Variants in PSD3 observed in about 807,000 individuals in gnomAD.
PSD3 encodes pleckstrin and Sec7 domain containing 3, also known as PH and SEC7 domain-containing protein 3.
PSD3 carries 49 observed loss-of-function variants against 105.5 expected under a neutral mutation model. The ratio of observed to expected loss-of-function variants is 0.46; its 90% CI spans 0.37 to 0.59. The LOEUF (loss-of-function observed/expected upper bound fraction) is 0.59. PSD3 is among the 20% of genes least tolerant of loss of function. The pLI is 0.00. For missense variants in PSD3, 1,561 were observed against 1,263.8 expected (o/e 1.24, Z -3.57); for synonymous variants, 557 against 457.8 (o/e 1.22, Z -2.77).
intron 15 of PSD3, among the ~76,000 whole-genome samples, chr8:18,545,037 A>G (rs150972912): frequency 2.0e-5 from 3 of 152,304 alleles, no homozygotes; most frequent in Non-Finnish European, 4.4e-5. Flanking sequence ...GGAGAAGAAG[A>G]AGGAGATATG....
intron 14 of PSD3, among the ~76,000 whole-genome samples, chr8:18,559,690 A>T (rs1038193050): frequency 6.6e-6 from 1 of 152,144 alleles, no homozygotes; most frequent in Non-Finnish European, 1.5e-5. Flanking sequence ...TTCTTCTAAA[A>T]GCTTTAGATT....
intron 8 of PSD3, among the ~76,000 whole-genome samples, chr8:18,786,592 G>C (rs1005006734): frequency 6.6e-6 from 1 of 152,186 alleles, no homozygotes; most frequent in Non-Finnish European, 1.5e-5. Context: ...TAGCAGTTAG[G>C]TGGGCAAGAT....
intron 1 of PSD3, among the ~76,000 whole-genome samples, chr8:19,079,048 G>C (rs1318836948): frequency 6.6e-6 from 1 of 151,964 alleles, no homozygotes; most frequent in East Asian, 1.9e-4. Flanking sequence ...CTTCCTATAG[G>C]TGGATCCAGA....
intron 8 of PSD3, among the ~76,000 whole-genome samples, chr8:18,788,105 T>C (rs1809358685): frequency 6.6e-6 from 1 of 152,220 alleles, no homozygotes; most frequent in Non-Finnish European, 1.5e-5. Flanking sequence ...TCATAACTTG[T>C]CTACCCCTTG....
At chr8:18,798,385 G>A (rs1291105410) in intron 8 of PSD3, among the ~76,000 whole-genome samples, 2 of 151,964 alleles carry the variant, frequency 1.3e-5, no homozygotes, top group Non-Finnish European at 2.9e-5. Flanking sequence ...GCTTTCTGGT[G>A]GTGGAACCCT....
intron 1 of PSD3, among the ~76,000 whole-genome samples, chr8:18,945,983 TAATA>T (rs1251015292): frequency 3.9e-5 from 6 of 151,952 alleles, no homozygotes; most frequent in South Asian, 2.1e-4. Flanking sequence ...CAAAAAAAAT[TAATA>T]AATAAGTTCA....
At chr8:18,613,923 C>T (rs1805463381) in intron 11 of PSD3, among the ~76,000 whole-genome samples, 1 of 152,330 alleles carries the variant, frequency 6.6e-6, no homozygotes, top group African/African-American at 2.4e-5. Flanking sequence ...AAGCCGGCCG[C>T]CTCCACCCAT....
At chr8:18,914,740 T>C (rs1361846583) in intron 2 of PSD3, among the ~76,000 whole-genome samples, 5 of 152,238 alleles carry the variant, frequency 3.3e-5, no homozygotes, top group Non-Finnish European at 4.4e-5. Context: ...AGATATCCCA[T>C]GTTCAAGGAT....
chr8:19,008,472 C>A (rs1184561886), intron 1 of PSD3, among the ~76,000 whole-genome samples: 1 of 152,168 alleles, frequency 6.6e-6, no homozygotes, highest in Non-Finnish European at 1.5e-5. Flanking sequence ...ATCGTCTGTG[C>A]CATCACTCTT....
intron 8 of PSD3, among the ~76,000 whole-genome samples, chr8:18,789,580 C>T (rs1374726501): frequency 6.6e-6 from 1 of 151,982 alleles, no homozygotes; most frequent in Non-Finnish European, 1.5e-5. Flanking sequence ...TATCCTGGGA[C>T]CAAAAAGTTT....
chr8:18,600,976 A>T (rs1022005952), intron 11 of PSD3, among the ~76,000 whole-genome samples: 1 of 152,210 alleles, frequency 6.6e-6, no homozygotes, highest in African/African-American at 2.4e-5. Context: ...CAACCTGTGC[A>T]TATCTCTACT....
chr8:18,770,016 C>G (rs1807364170), intron 8 of PSD3, among the ~76,000 whole-genome samples: 1 of 152,096 alleles, frequency 6.6e-6, no homozygotes, highest in Non-Finnish European at 1.5e-5. Flanking sequence ...TTATTGAGTC[C>G]TATGGTAATC....
intron 11 of PSD3, among the ~76,000 whole-genome samples, chr8:18,602,226 G>C (rs537831300): frequency 6.6e-6 from 1 of 152,020 alleles, no homozygotes; most frequent in African/African-American, 2.4e-5. Context: ...TTCTACTTTC[G>C]CAGTAGATCA....
At position 18,636,885 on chromosome 8, in the gene PSD3, G is replaced by T. The variant is rs1178258665; in HGVS notation, c.2217-4079C>A. The stretch of plus-strand genomic sequence containing the variant: ...GACACAGTTCTCAGAACATATTACA[G>T]TTATGAAGTGATGTATGACTGTATA... On this transcript the variant is annotated intron_variant, in intron 10 of 15. Coordinates refer to ENST00000327040, the MANE Select transcript of PSD3 (RefSeq NM_015310.4). Among the ~76,000 whole-genome samples the T allele has an allele frequency of 2.6e-5, 4 of 152,160 alleles. No individual in the cohort carries two copies. The East Asian group carries it at 7.7e-4, about 29-fold the overall frequency.
In PSD3 at chr8:18,751,488, C is replaced by T. The variant is rs1177179614; in HGVS notation, c.2172+13961G>A. ...GGACACAGGCTCCAGAAGCCTAAACCGAAAACCTGAAAACCATAGGCACAG... is the reference window on the plus strand; with the variant it reads ...GGACACAGGCTCCAGAAGCCTAAACTGAAAACCTGAAAACCATAGGCACAG... On this transcript the variant is annotated intron_variant, in intron 9 of 15. Coordinates refer to ENST00000327040, the MANE Select transcript of PSD3 (RefSeq NM_015310.4). 3.3e-5 allele frequency among the ~76,000 whole-genome samples: 5 copies of T among 152,222 alleles called. No homozygotes were observed. In the East Asian group the frequency reaches 7.7e-4, roughly 23 times the overall value.
chr8:18,610,477 A>C (rs921485349), intron 11 of PSD3, among the ~76,000 whole-genome samples: 1 of 152,148 alleles, frequency 6.6e-6, no homozygotes, highest in African/African-American at 2.4e-5. Context: ...GTTTGTCTAT[A>C]AATTTGTTCT....
intron 9 of PSD3, among the ~76,000 whole-genome samples, chr8:18,710,211 T>C (rs1014533262): frequency 2.6e-5 from 4 of 151,894 alleles, no homozygotes; most frequent in East Asian, 3.9e-4. Context: ...TGAGTATCAA[T>C]AGCCAAACAG....
At chr8:18,992,131 GA>G (rs1386528475) in intron 1 of PSD3, among the ~76,000 whole-genome samples, 2 of 152,022 alleles carry the variant, frequency 1.3e-5, no homozygotes, top group Non-Finnish European at 2.9e-5. Flanking sequence ...CTGTTTTTAT[GA>G]AAAAGTTTCA....
chr8:18,976,652 A>G (rs1006648709), intron 1 of PSD3, among the ~76,000 whole-genome samples: 4 of 151,856 alleles, frequency 2.6e-5, no homozygotes, highest in East Asian at 1.9e-4. Flanking sequence ...CCTCATAGGG[A>G]TATTTTGAGA....
Sources: gnomAD v4.1 joint callset for allele counts (sites outside exome capture counted in the v4.1 genomes callset) on GRCh38, gnomAD v4.1.1 for gene constraint, MANE v1.5 for transcripts, NCBI Gene and HGNC (gene_info 2026-07-23, HGNC 2026-07-21) for gene names.